The following DAB1 variants were observed in gnomAD, a reference collection of about 807,000 sequenced individuals.
The protein encoded by DAB1 is DAB adaptor protein 1.
In DAB1, 15 loss-of-function variants were observed where a neutral mutation model predicts 64.6. The ratio of observed to expected loss-of-function variants is 0.23; its 90% CI spans 0.16 to 0.36. DAB1 has a LOEUF of 0.36. Among genes scored for constraint, DAB1 ranks in the 10% least tolerant of loss-of-function variants. DAB1 has a pLI of 1.00. For synonymous variants in DAB1, 235 were observed against 251.9 expected (o/e 0.93, Z 0.64); for missense variants, 596 against 706.7 (o/e 0.84, Z 1.78).
At chr1:57,324,983 A>G (rs1341249234) in intron 1 of DAB1, among the ~76,000 whole-genome samples, 1 of 152,234 alleles carries the variant, frequency 6.6e-6, no homozygotes, top group Non-Finnish European at 1.5e-5. Flanking sequence ...TGTACCTTTG[A>G]TGCCCTGCAC....
intron 9 of DAB1, among the ~76,000 whole-genome samples, chr1:57,034,010 G>A (rs1044627397): frequency 7.9e-5 from 12 of 152,130 alleles, no homozygotes; most frequent in Non-Finnish European, 1.6e-4. Context: ...GGCCGGGCGC[G>A]GTGGCTCACG....
intron 2 of DAB1, among the ~76,000 whole-genome samples, chr1:57,221,668 A>T (rs903304538): frequency 3.9e-5 from 6 of 152,146 alleles, no homozygotes; most frequent in African/African-American, 1.4e-4. Flanking sequence ...TCATGAGGAT[A>T]CTCAGTCTGT....
chr1:57,770,021 A>G (rs1649488656), intron 6 of DAB1, among the ~76,000 whole-genome samples: 1 of 152,156 alleles, frequency 6.6e-6, no homozygotes, highest in Non-Finnish European at 1.5e-5. Context: ...TCTTAAGGGC[A>G]GCATTGGATT....
intron 5 of DAB1, among the ~76,000 whole-genome samples, chr1:58,025,979 C>T (rs1434115780): frequency 6.6e-6 from 1 of 151,998 alleles, no homozygotes; most frequent in African/African-American, 2.4e-5. Context: ...CCCAAACACT[C>T]ATCCTTCAAG....
At chr1:57,557,049 C>T (rs755890401) in intron 7 of DAB1, among the ~76,000 whole-genome samples, 2 of 152,070 alleles carry the variant, frequency 1.3e-5, no homozygotes, top group Admixed American at 6.6e-5. Context: ...TGAGTGTCAA[C>T]TTGATTGGAT....
At chr1:58,116,130 A>C (rs1294873408) in intron 5 of DAB1, among the ~76,000 whole-genome samples, 2 of 152,244 alleles carry the variant, frequency 1.3e-5, no homozygotes, top group African/African-American at 4.8e-5. Flanking sequence ...AAATGGAAGT[A>C]GAAGTCTGCT....
In DAB1 at chr1:58,528,858, A is replaced by G. The variant is rs1217612966; in HGVS notation, n.33-1523T>C. Reference sequence around the variant, plus strand: ...AATTATTGAGGGGCCTTGATTTAGGAAAAAATAATTCAAATAGAATCATTC... The same window carrying G: ...AATTATTGAGGGGCCTTGATTTAGGGAAAAATAATTCAAATAGAATCATTC... On this transcript the variant is annotated intron_variant and non_coding_transcript_variant, in intron 1 of 20. Transcript: ENST00000485760. 2.6e-5 allele frequency among the ~76,000 whole-genome samples: 4 copies of G among 152,334 alleles called. No individual in the cohort carries two copies. The East Asian group carries it at 7.7e-4, about 29-fold the overall frequency.
intron 14 of DAB1, among the ~76,000 whole-genome samples, chr1:57,007,510 TA>T (rs1646117126): frequency 6.6e-6 from 1 of 152,096 alleles, no homozygotes; most frequent in Non-Finnish European, 1.5e-5. Flanking sequence ...GATGGGAGGG[TA>T]GGGGGAAAAA....
chr1:57,167,589 A>G (rs778341140), intron 2 of DAB1, among the ~76,000 whole-genome samples: 11 of 152,138 alleles, frequency 7.2e-5, no homozygotes, highest in Admixed American at 3.3e-4. Context: ...TGAGCTCTAC[A>G]TCCACCGTTT....
rs541171372 is a variant in DAB1, at chr1:57,922,814, C to T, written n.388-38652G>A. Among the ~76,000 whole-genome samples the T allele has an allele frequency of 9.9e-4, 128 of 129,196 alleles. 1 individual carries two copies. Among genetic ancestry groups the T allele is most frequent in the African/African-American group, 3.8e-3 (121 of 31,576 alleles). 84.8% of individuals were successfully genotyped at this position (129,196 alleles called of 152,430 possible). A position where few individuals can be genotyped will look rare whatever the true frequency, so the allele number is the denominator to read the frequency against. On this transcript the variant is annotated intron_variant and non_coding_transcript_variant, in intron 5 of 20. Coordinates refer to the DAB1 transcript ENST00000485760. ...TGAGCCGAGATCGCGCCACTACACTCCAGCCTGGGTGACAAAGCGAGACTC... is the reference window on the plus strand; with the variant it reads ...TGAGCCGAGATCGCGCCACTACACTTCAGCCTGGGTGACAAAGCGAGACTC...
chr1:57,111,645 T>C (rs562512530), intron 4 of DAB1, among the ~76,000 whole-genome samples: 1 of 152,284 alleles, frequency 6.6e-6, no homozygotes, highest in South Asian at 2.1e-4. Flanking sequence ...TCCCTCCCAG[T>C]CACTCCCTAT....
chr1:58,294,611 A>C (rs1661925774), intron 4 of DAB1, among the ~76,000 whole-genome samples: 10 of 152,188 alleles, frequency 6.6e-5, no homozygotes, highest in Admixed American at 5.9e-4. Context: ...GTCATGGAAA[A>C]CATAAATCCA....
intron 7 of DAB1, among the ~76,000 whole-genome samples, chr1:57,616,699 C>G (rs2101610109): frequency 6.6e-6 from 1 of 152,240 alleles, no homozygotes; most frequent in Admixed American, 6.5e-5. Flanking sequence ...TTTAGGCAAT[C>G]TGTGATGGCC....
chr1:58,530,731 TAAG>T, intron 1 of DAB1: 1 of 871,744 alleles, frequency 1.1e-6, no homozygotes, highest in Non-Finnish European at 2.0e-6. Flanking sequence ...CTTTTCTGCC[TAAG>T]AATAATCAAA....
rs530865142 is a variant in DAB1, at chr1:58,414,210, G to C, written n.258-70807C>G. Among the ~76,000 whole-genome samples, 34 of 152,180 alleles carry C rather than the reference G, an allele frequency of 2.2e-4. No homozygotes were observed. In the South Asian group the frequency reaches 7.0e-3, roughly 32 times the overall value. On this transcript the variant is annotated intron_variant and non_coding_transcript_variant, in intron 3 of 20. Coordinates refer to the DAB1 transcript ENST00000485760. ...ATTGCATTCCCCATCTTGATGAAAA[G>C]TGTCATCATCCACTCAATGGCCCAG...
intron 3 of DAB1, among the ~76,000 whole-genome samples, chr1:58,503,964 C>T (rs556731753): frequency 2.8e-4 from 42 of 152,306 alleles, no homozygotes; most frequent in African/African-American, 9.4e-4. Context: ...TATCCAGAAT[C>T]TGACTGATTC....
chr1:57,460,050 C>A (rs1001493274), intron 7 of DAB1, among the ~76,000 whole-genome samples: 1 of 152,158 alleles, frequency 6.6e-6, no homozygotes, highest in Non-Finnish European at 1.5e-5. Flanking sequence ...ACTAGCTCAT[C>A]GGGCACTTTT....
chr1:57,660,730 G>A (rs1646376801), intron 6 of DAB1, among the ~76,000 whole-genome samples: 1 of 152,170 alleles, frequency 6.6e-6, no homozygotes, highest in Non-Finnish European at 1.5e-5. Flanking sequence ...ACTTTGCTGG[G>A]GCCACCCAGT....
chr1:57,604,049 C>T (rs1345499633), intron 7 of DAB1, among the ~76,000 whole-genome samples: 1 of 152,216 alleles, frequency 6.6e-6, no homozygotes, highest in Non-Finnish European at 1.5e-5. Flanking sequence ...GGGGCCTCCA[C>T]TGCCCTGAAG....
Sources: gnomAD v4.1 joint callset for allele counts (sites outside exome capture counted in the v4.1 genomes callset) on GRCh38, gnomAD v4.1.1 for gene constraint, MANE v1.5 for transcripts, NCBI Gene and HGNC (gene_info 2026-07-23, HGNC 2026-07-21) for gene names.